The following IL1RAPL2 variants were observed in gnomAD, a reference collection of about 807,000 sequenced individuals.
IL1RAPL2 encodes the protein interleukin 1 receptor accessory protein like 2.
IL1RAPL2 carries 3 observed loss-of-function variants against 44.1 expected under a neutral mutation model. That is an observed-to-expected ratio of 0.07 (90% CI 0.03 to 0.18). IL1RAPL2 has a LOEUF of 0.18. Among genes scored for constraint, IL1RAPL2 ranks in the 10% least tolerant of loss-of-function variants. IL1RAPL2 has a pLI of 1.00. For missense variants in IL1RAPL2, 391 were observed against 496.4 expected (o/e 0.79, Z 2.02); for synonymous variants, 181 against 178.8 (o/e 1.01, Z -0.10).
At chrX:105,143,820 C>A (rs770696409) in intron 2 of IL1RAPL2, among the ~76,000 whole-genome samples, 3 of 109,735 alleles carry the variant, frequency 2.7e-5, no homozygotes, top group Non-Finnish European at 5.7e-5. Context: ...AGGGGAAAAT[C>A]ACACACAGGG....
chrX:104,807,057 C>T (rs760534167), intron 2 of IL1RAPL2, among the ~76,000 whole-genome samples: 24 of 110,873 alleles, frequency 2.2e-4, no homozygotes, highest in African/African-American at 7.5e-4. Flanking sequence ...GTATGAATAG[C>T]AGCAGATAGG....
At chrX:105,326,406 A>C (rs2034939033) in intron 5 of IL1RAPL2, among the ~76,000 whole-genome samples, 1 of 110,297 alleles carries the variant, frequency 9.1e-6, no homozygotes, top group Non-Finnish European at 1.9e-5. Context: ...AATTTTTGAA[A>C]ATTTTTTACG....
At chrX:105,415,783 G>A (rs1020035798) in intron 5 of IL1RAPL2, among the ~76,000 whole-genome samples, 1 of 111,049 alleles carries the variant, frequency 9.0e-6, no homozygotes, top group Non-Finnish European at 1.9e-5. Context: ...ATTGAAATAG[G>A]AATGTTATAA....
At chrX:105,054,228 G>C (rs748028013) in intron 2 of IL1RAPL2, among the ~76,000 whole-genome samples, 1 of 110,534 alleles carries the variant, frequency 9.0e-6, no homozygotes. Flanking sequence ...TTTGGGATGC[G>C]GGAGGGAGCC....
intron 3 of IL1RAPL2, among the ~76,000 whole-genome samples, chrX:105,226,642 A>G (rs2034018514): frequency 9.1e-6 from 1 of 109,526 alleles, no homozygotes; most frequent in Admixed American, 9.8e-5. Context: ...TCCACAAGTG[A>G]TCCACCCGCT....
intron 2 of IL1RAPL2, among the ~76,000 whole-genome samples, chrX:104,780,164 A>G (rs1932763110): frequency 8.9e-6 from 1 of 112,068 alleles, no homozygotes; most frequent in Admixed American, 9.5e-5. Flanking sequence ...GTGGATTAAA[A>G]AAACACCAAA....
intron 2 of IL1RAPL2, among the ~76,000 whole-genome samples, chrX:104,944,539 C>G (rs1925292049): frequency 9.0e-6 from 1 of 111,459 alleles, no homozygotes; most frequent in Non-Finnish European, 1.9e-5. Flanking sequence ...TTAAATGACT[C>G]TTCTATTTAA....
intron 1 of IL1RAPL2, among the ~76,000 whole-genome samples, chrX:104,636,500 G>A (rs181424372): frequency 7.1e-5 from 8 of 112,279 alleles, no homozygotes; most frequent in Non-Finnish European, 9.4e-5. Context: ...CCCAGTTCAA[G>A]CTTCCTGGCC....
At chrX:104,904,408 T>C (rs1468544499) in intron 2 of IL1RAPL2, among the ~76,000 whole-genome samples, 5 of 104,767 alleles carry the variant, frequency 4.8e-5, no homozygotes, top group African/African-American at 6.9e-5. Context: ...CCCACTAACT[T>C]GTCATCTAGC....
At chrX:105,067,637 A>G (rs1193502746) in intron 2 of IL1RAPL2, among the ~76,000 whole-genome samples, 1 of 112,168 alleles carries the variant, frequency 8.9e-6, no homozygotes. Flanking sequence ...GTAAAAAGAC[A>G]TAAAAACTAT....
At chrX:105,765,432 C>T (rs1048541221) in intron 10 of IL1RAPL2, 2 of 111,794 alleles carry the variant, frequency 1.8e-5, no homozygotes, top group African/African-American at 6.5e-5. Flanking sequence ...GATTTCACTG[C>T]TTATTTTTTC....
intron 2 of IL1RAPL2, among the ~76,000 whole-genome samples, chrX:104,777,451 G>A (rs188672810): frequency 9.1e-6 from 1 of 109,602 alleles, no homozygotes; most frequent in African/African-American, 3.3e-5. Context: ...ATCTGTGGAT[G>A]AACACTTGGG....
intron 2 of IL1RAPL2, among the ~76,000 whole-genome samples, chrX:104,826,784 T>C (rs1470564206): frequency 1.8e-5 from 2 of 110,392 alleles, no homozygotes; most frequent in Admixed American, 1.9e-4. Flanking sequence ...CTTTATGAAT[T>C]TGGCTGCTCC....
chrX:104,650,503 C>T (rs1286412221), intron 1 of IL1RAPL2, among the ~76,000 whole-genome samples: 3 of 111,147 alleles, frequency 2.7e-5, no homozygotes, highest in Non-Finnish European at 5.7e-5. Context: ...GATGATATTT[C>T]AGGCCGACTG....
Position 105,747,480 on chromosome X carries a change from CTGTGTGTGTG to C in IL1RAPL2, c.1049-1478_1049-1469del, listed in dbSNP as rs1285052173. On this transcript the variant is annotated intron_variant, in intron 8 of 10. Coordinates refer to ENST00000372582, the MANE Select transcript of IL1RAPL2 (RefSeq NM_017416.2). ...TCTCTCTCTCTCTCTCTCTCTCTCTCTGTGTGTGTGTATGTGTGTGTGTGTGTGTGTGTGT... is the reference window on the plus strand; with the variant it reads ...TCTCTCTCTCTCTCTCTCTCTCTCTCTATGTGTGTGTGTGTGTGTGTGTGT... 7.1e-3 allele frequency among the ~76,000 whole-genome samples: 500 copies of C among 70,090 alleles called. 5 individuals are homozygous for C. Among genetic ancestry groups the C allele is most frequent in the African/African-American group, 0.031 (489 of 15,664 alleles). 60.9% of individuals were successfully genotyped at this position (70,090 alleles called of 115,157 possible).
At chrX:104,608,283 T>TG (rs1247724110) in intron 1 of IL1RAPL2, among the ~76,000 whole-genome samples, 1 of 110,599 alleles carries the variant, frequency 9.0e-6, no homozygotes, top group South Asian at 3.9e-4. Flanking sequence ...ATGTAAGTCA[T>TG]GGGTTGATGG....
chrX:105,236,328 C>T (rs964486982), intron 4 of IL1RAPL2, among the ~76,000 whole-genome samples: 2 of 112,364 alleles, frequency 1.8e-5, no homozygotes, highest in African/African-American at 6.5e-5. Flanking sequence ...GGTGAAGCAA[C>T]AGGCCTTTCC....
At chrX:104,908,736 AT>A (rs1176634302) in intron 2 of IL1RAPL2, among the ~76,000 whole-genome samples, 1 of 108,321 alleles carries the variant, frequency 9.2e-6, no homozygotes, top group Admixed American at 9.8e-5. Context: ...TGCCCTTAAC[AT>A]TTTTTCCTTC....
At chrX:104,882,892 A>T (rs1923110361) in intron 2 of IL1RAPL2, among the ~76,000 whole-genome samples, 1 of 111,478 alleles carries the variant, frequency 9.0e-6, no homozygotes, top group Non-Finnish European at 1.9e-5. Flanking sequence ...CACTGGGAGG[A>T]ACAAACAACT....
Sources: gnomAD v4.1 joint callset for allele counts (sites outside exome capture counted in the v4.1 genomes callset) on GRCh38, gnomAD v4.1.1 for gene constraint, MANE v1.5 for transcripts, NCBI Gene and HGNC (gene_info 2026-07-23, HGNC 2026-07-21) for gene names.